Variants in GABRA2 observed in about 807,000 individuals in gnomAD.
The protein encoded by GABRA2 is gamma-aminobutyric acid type A receptor subunit alpha2.
Under a neutral mutation model 48.7 loss-of-function variants are expected in GABRA2, and 16 were observed. The observed-to-expected ratio is 0.33, with a 90% confidence interval of 0.22 to 0.50. The LOEUF is 0.50. Ranked by LOEUF, GABRA2 falls within the 20% of genes least tolerant of loss-of-function variation. GABRA2 has a pLI of 0.98. For synonymous variants in GABRA2, 185 were observed against 184.5 expected (o/e 1.00, Z -0.02); for missense variants, 275 against 535.6 (o/e 0.51, Z 4.80).
intron 3 of GABRA2, among the ~76,000 whole-genome samples, chr4:46,357,525 G>A (rs1736192498): frequency 6.6e-6 from 1 of 150,752 alleles, no homozygotes; most frequent in Non-Finnish European, 1.5e-5. Context: ...TAGTCCCTCA[G>A]TTTCCTCAAT....
chr4:46,329,890 C>A (rs983520753), intron 4 of GABRA2, among the ~76,000 whole-genome samples: 3 of 151,926 alleles, frequency 2.0e-5, no homozygotes, highest in Admixed American at 1.3e-4. Context: ...AAGAGCAGAG[C>A]AATCTCATAG....
intron 3 of GABRA2, chr4:46,368,329 T>C (rs1714365496): frequency 6.6e-6 from 1 of 152,020 alleles, no homozygotes; most frequent in Admixed American, 6.6e-5. Context: ...TTGAGGAAAA[T>C]GCTAGCTAGA....
At chr4:46,262,963 A>T (rs1168016268) in intron 8 of GABRA2, among the ~76,000 whole-genome samples, 1 of 122,984 alleles carries the variant, frequency 8.1e-6, no homozygotes, top group Non-Finnish European at 1.5e-5. Flanking sequence ...AGAAAGAGAG[A>T]GAGAGAGAGA....
chr4:46,306,133 A>G (rs1004174213), intron 6 of GABRA2, among the ~76,000 whole-genome samples: 2 of 152,234 alleles, frequency 1.3e-5, no homozygotes, highest in Non-Finnish European at 2.9e-5. Flanking sequence ...TTTTGGACAT[A>G]AATGTAGCCT....
chr4:46,389,107 G>C, intron 1 of GABRA2: 1 of 1,004,556 alleles, frequency 1.0e-6, no homozygotes, highest in Non-Finnish European at 1.2e-6. Context: ...GAGGGGAGGG[G>C]AGGAAAGGAG....
rs1553916279 is a variant in GABRA2 at position 46,330,591 on chromosome 4, T to TAGAGAGAGAGAGCGAG, written c.255+2023_255+2024insCTCGCTCTCTCTCTCT. Among the ~76,000 whole-genome samples the TAGAGAGAGAGAGCGAG allele has an allele frequency of 3.3e-5, 4 of 122,696 alleles. No homozygotes were observed. In the East Asian group the frequency reaches 1.2e-3, roughly 38 times the overall value. The allele number at this position is 122,696 out of a possible 152,430, so 80.5% of individuals were successfully genotyped here. ...ATATATATATATATATATATATATA[T>TAGAGAGAGAGAGCGAG]AGAGAGAGAGAGAGAGAGATGTTTT... is the stretch of plus-strand genomic sequence containing the variant. On this transcript the variant is annotated intron_variant, in intron 4 of 9. Coordinates refer to ENST00000381620, the MANE Select transcript of GABRA2 (RefSeq NM_000807.4).
At chr4:46,379,071 T>C (rs1716393245) in intron 3 of GABRA2, among the ~76,000 whole-genome samples, 1 of 152,174 alleles carries the variant, frequency 6.6e-6, no homozygotes, top group Non-Finnish European at 1.5e-5. Context: ...CTAAGAAGCC[T>C]ATCTTAGTCC....
At chr4:46,262,151 C>A in intron 8 of GABRA2, 23 bp from the exon 9 acceptor site, 2 of 1,600,216 alleles carry the variant, frequency 1.2e-6, no homozygotes, top group Non-Finnish European at 1.7e-6. Flanking sequence ...AGATAGGAAT[C>A]GAAAACATCA....
intron 3 of GABRA2, among the ~76,000 whole-genome samples, chr4:46,340,825 C>G (rs1733089396): frequency 6.6e-6 from 1 of 151,950 alleles, no homozygotes; most frequent in African/African-American, 2.4e-5. Flanking sequence ...AATAATCTTT[C>G]TGTCCTTTCT....
At chr4:46,264,703 G>C (rs750371858) in intron 8 of GABRA2, among the ~76,000 whole-genome samples, 3 of 151,800 alleles carry the variant, frequency 2.0e-5, no homozygotes, top group Non-Finnish European at 4.4e-5. Flanking sequence ...GCCTTATAAA[G>C]TGAGTCAGGA....
At chr4:46,322,147 G>T (rs1219052953) in intron 4 of GABRA2, among the ~76,000 whole-genome samples, 2 of 151,910 alleles carry the variant, frequency 1.3e-5, no homozygotes, top group Non-Finnish European at 2.9e-5. Context: ...AGTAGATCTT[G>T]GCCTGTCTCC....
intron 8 of GABRA2, among the ~76,000 whole-genome samples, chr4:46,282,364 T>C (rs1479204691): frequency 6.6e-6 from 1 of 152,164 alleles, no homozygotes; most frequent in Non-Finnish European, 1.5e-5. Flanking sequence ...AATGGGACTT[T>C]GGGACGGGAG....
intron 3 of GABRA2, among the ~76,000 whole-genome samples, chr4:46,361,716 C>T (rs911797859): frequency 1.3e-5 from 2 of 152,212 alleles, no homozygotes; most frequent in Non-Finnish European, 1.5e-5. Flanking sequence ...AAACACTCAA[C>T]GCTAGCCTGT....
At chr4:46,326,498 C>CTT (rs397938834) in intron 4 of GABRA2, among the ~76,000 whole-genome samples, 30 of 137,032 alleles carry the variant, frequency 2.2e-4, no homozygotes, top group African/African-American at 8.0e-4. Flanking sequence ...TGGTCTCTGC[C>CTT]TTTTTTTTTT....
chr4:46,300,507 G>C (rs112757296), intron 8 of GABRA2, among the ~76,000 whole-genome samples: 2,379 of 151,890 alleles, frequency 0.016, 65 homozygotes, highest in African/African-American at 0.055. Flanking sequence ...AGACTTATAA[G>C]TTCTATCATC....
chr4:46,377,259 T>C (rs1223391719), intron 3 of GABRA2, among the ~76,000 whole-genome samples: 2 of 149,384 alleles, frequency 1.3e-5, no homozygotes, highest in Non-Finnish European at 1.5e-5. Context: ...GGAGCATCTC[T>C]GCCCGGCCGC....
chr4:46,274,007 T>C (rs959673301), intron 8 of GABRA2, among the ~76,000 whole-genome samples: 1 of 152,100 alleles, frequency 6.6e-6, no homozygotes, highest in Non-Finnish European at 1.5e-5. Flanking sequence ...CCTATAGCTA[T>C]AAGCGGGGGG....
intron 8 of GABRA2, among the ~76,000 whole-genome samples, chr4:46,289,231 C>A (rs1723125069): frequency 6.6e-6 from 1 of 152,184 alleles, no homozygotes; most frequent in Admixed American, 6.5e-5. Flanking sequence ...ATAAATTATT[C>A]TATTGTAAAG....
At chr4:46,384,590 A>C (rs1446600200) in intron 3 of GABRA2, among the ~76,000 whole-genome samples, 1 of 152,180 alleles carries the variant, frequency 6.6e-6, no homozygotes, top group East Asian at 1.9e-4. Context: ...TGGATATTTT[A>C]AAATTTGACA....
Sources: gnomAD v4.1 joint callset for allele counts (sites outside exome capture counted in the v4.1 genomes callset) on GRCh38, gnomAD v4.1.1 for gene constraint, MANE v1.5 for transcripts, NCBI Gene and HGNC (gene_info 2026-07-23, HGNC 2026-07-21) for gene names.